The following GPATCH2 variants were observed in gnomAD, a reference collection of about 807,000 sequenced individuals.
GPATCH2 encodes G-patch domain containing 2, also known as G patch domain-containing protein 2.
In GPATCH2, 51 loss-of-function variants were observed where a neutral mutation model predicts 58.0. The ratio of observed to expected loss-of-function variants is 0.88; its 90% CI spans 0.70 to 1.11. The LOEUF is 1.11. GPATCH2 is among the 50% of genes most tolerant of loss of function. The pLI is 0.00. For missense variants in GPATCH2, 625 were observed against 652.2 expected (o/e 0.96, Z 0.45); for synonymous variants, 222 against 218.5 (o/e 1.02, Z -0.14).
At position 217,550,592 on chromosome 1, in the gene GPATCH2, TA is replaced by T. The variant is rs999323642; in HGVS notation, c.1099-35704del. On this transcript the variant is annotated intron_variant, in intron 5 of 9. Transcript: ENST00000366935. ...AAATTTTCTTGTTACCTAGTTGGTT[TA>T]AAAAAAAGACATAGCTAATATCTAT... Among the ~76,000 whole-genome samples, 26 of 151,628 alleles carry T rather than the reference TA, an allele frequency of 1.7e-4. 1 individual carries two copies. The highest frequency in any genetic ancestry group is 1.2e-3 in the Admixed American group (19 of 15,214).
intron 5 of GPATCH2, among the ~76,000 whole-genome samples, chr1:217,598,343 G>T (rs906313009): frequency 6.6e-6 from 1 of 151,914 alleles, no homozygotes; most frequent in African/African-American, 2.4e-5. Flanking sequence ...AGCCAAGATC[G>T]CACTATTGCA....
At chr1:217,556,579 G>T (rs1665635129) in intron 5 of GPATCH2, among the ~76,000 whole-genome samples, 1 of 152,144 alleles carries the variant, frequency 6.6e-6, no homozygotes, top group African/African-American at 2.4e-5. Context: ...TCCACTGAAT[G>T]AATATACCAC....
At chr1:217,453,828 A>G (rs753597931) in intron 8 of GPATCH2, among the ~76,000 whole-genome samples, 1 of 152,206 alleles carries the variant, frequency 6.6e-6, no homozygotes, top group Non-Finnish European at 1.5e-5. Context: ...TCTTCATTGC[A>G]TGCAATTACA....
At position 217,532,901 on chromosome 1, in the gene GPATCH2, T is replaced by G. The variant is rs12118453; in HGVS notation, c.1099-18012A>C. On this transcript the variant is annotated intron_variant, in intron 5 of 9. Transcript: ENST00000366935. The stretch of plus-strand genomic sequence containing the variant: ...TCTTTTTTTTGTTTTTTTTTTTTTG[T>G]TTTTTTTTTTTTTTTGAGACAGGAT... Among the ~76,000 whole-genome samples, 4 of 3,988 alleles carry G rather than the reference T, an allele frequency of 1.0e-3. No individual in the cohort carries two copies. In the African/African-American group the frequency reaches 0.024, roughly 23 times the overall value. The allele number at this position is 3,988 out of a possible 152,430, so 2.6% of individuals were successfully genotyped here.
At chr1:217,589,152 A>G (rs1326966316) in intron 5 of GPATCH2, among the ~76,000 whole-genome samples, 1 of 152,126 alleles carries the variant, frequency 6.6e-6, no homozygotes, top group Non-Finnish European at 1.5e-5. Context: ...TATATGTGAA[A>G]GAATGTGGGC....
At chr1:217,590,648 A>C (rs1380441468) in intron 5 of GPATCH2, among the ~76,000 whole-genome samples, 1 of 152,188 alleles carries the variant, frequency 6.6e-6, no homozygotes, top group Admixed American at 6.5e-5. Context: ...ATATTCGACC[A>C]GGGAATGCAC....
At chr1:217,535,141 G>C (rs957123578) in intron 5 of GPATCH2, among the ~76,000 whole-genome samples, 1 of 152,134 alleles carries the variant, frequency 6.6e-6, no homozygotes, top group African/African-American at 2.4e-5. Flanking sequence ...TTACCAACAG[G>C]CTTGACATTT....
At chr1:217,459,319 A>G (rs1239151541) in intron 8 of GPATCH2, among the ~76,000 whole-genome samples, 2 of 152,214 alleles carry the variant, frequency 1.3e-5, no homozygotes, top group African/African-American at 4.8e-5. Context: ...ATAAATCCAC[A>G]GGGCTATACT....
intron 6 of GPATCH2, among the ~76,000 whole-genome samples, chr1:217,512,367 A>T (rs1418471765): frequency 6.6e-6 from 1 of 152,202 alleles, no homozygotes; most frequent in African/African-American, 2.4e-5. Flanking sequence ...TCTGAATTGA[A>T]TTAAAGTCTT....
chr1:217,468,534 CACACA>C (rs1660572105), intron 8 of GPATCH2, among the ~76,000 whole-genome samples: 1 of 90,388 alleles, frequency 1.1e-5, no homozygotes, highest in Non-Finnish European at 3.1e-5. Context: ...CACACACACA[CACACA>C]CACACACACA....
chr1:217,608,465 A>G lies in GPATCH2; in HGVS notation c.1098+1856T>C, dbSNP rs1041654430. The G allele has an allele frequency of 3.0e-6, 3 of 985,162 alleles. No individual in the cohort carries two copies. The African/African-American group carries it at 5.2e-5, about 17-fold the overall frequency. The allele number at this position is 985,162 out of a possible 1,614,324, so 61.0% of individuals were successfully genotyped here. On this transcript the variant is annotated intron_variant, in intron 5 of 9. Transcript: ENST00000366935. ...AAGCAGCTTTTAGTATGGTTAAGCC[A>G]TGTATCATCAATACCATGAAGCTAG...
At chr1:217,517,132 G>T (rs1663202945) in intron 5 of GPATCH2, among the ~76,000 whole-genome samples, 1 of 152,100 alleles carries the variant, frequency 6.6e-6, no homozygotes, top group Admixed American at 6.5e-5. Flanking sequence ...CAGTTCAACT[G>T]CAGCAAGTAA....
chr1:217,626,879 A>T (rs1472206604), intron 1 of GPATCH2, among the ~76,000 whole-genome samples: 2 of 151,926 alleles, frequency 1.3e-5, no homozygotes, highest in African/African-American at 4.8e-5. Flanking sequence ...TTTTTGAAAA[A>T]GGTAGGGTGG....
At chr1:217,582,079 C>G (rs1667108272) in intron 5 of GPATCH2, among the ~76,000 whole-genome samples, 1 of 152,174 alleles carries the variant, frequency 6.6e-6, no homozygotes, top group Non-Finnish European at 1.5e-5. Context: ...TATGAGACAA[C>G]TTTCAAACAT....
chr1:217,566,569 A>C (rs1228750981), intron 5 of GPATCH2, among the ~76,000 whole-genome samples: 2 of 152,256 alleles, frequency 1.3e-5, no homozygotes, highest in African/African-American at 2.4e-5. Context: ...CATCCAGTAT[A>C]TGAAAAATTA....
rs1017879514 is a variant in GPATCH2, at chr1:217,608,853, G to A, written c.1098+1468C>T. 16 of 984,634 alleles carry A rather than the reference G, an allele frequency of 1.6e-5. No individual in the cohort carries two copies. The African/African-American group carries it at 2.6e-4, about 16-fold the overall frequency. 61.0% of individuals were successfully genotyped at this position (984,634 alleles called of 1,614,324 possible). A position where few individuals can be genotyped will look rare whatever the true frequency, so the allele number is the denominator to read the frequency against. On this transcript the variant is annotated intron_variant, in intron 5 of 9. Coordinates refer to ENST00000366935, the MANE Select transcript of GPATCH2 (RefSeq NM_018040.5). The stretch of plus-strand genomic sequence containing the variant: ...ACCTTTAAATATGCAAAGGTAAAGA[G>A]ACTCAAAGTTGCATTTTACCATTTT...
chr1:217,612,505 C>T (rs1028298539), intron 3 of GPATCH2, among the ~76,000 whole-genome samples: 5 of 152,064 alleles, frequency 3.3e-5, no homozygotes, highest in African/African-American at 4.8e-5. Flanking sequence ...TTAGAGTCAT[C>T]AGCTCGTTTC....
At chr1:217,608,281 C>G (rs1392218513) in intron 5 of GPATCH2, 1 of 979,092 alleles carries the variant, frequency 1.0e-6, no homozygotes, top group Non-Finnish European at 1.2e-6. Flanking sequence ...AGAAAGAAAA[C>G]CCGAAGGAGT....
chr1:217,606,529 C>G (rs1246321903), intron 5 of GPATCH2, among the ~76,000 whole-genome samples: 1 of 151,916 alleles, frequency 6.6e-6, no homozygotes, highest in Non-Finnish European at 1.5e-5. Flanking sequence ...AGGCTTGAGC[C>G]CAGGAGTTTG....
Sources: gnomAD v4.1 joint callset for allele counts (sites outside exome capture counted in the v4.1 genomes callset) on GRCh38, gnomAD v4.1.1 for gene constraint, MANE v1.5 for transcripts, NCBI Gene and HGNC (gene_info 2026-07-23, HGNC 2026-07-21) for gene names.